The following PTPDC1 variants were observed in gnomAD, a reference collection of about 807,000 sequenced individuals.
PTPDC1 encodes the protein protein tyrosine phosphatase domain-containing protein 1.
Under a neutral mutation model 75.3 loss-of-function variants are expected in PTPDC1, and 53 were observed. The observed-to-expected ratio is 0.70, with a 90% confidence interval of 0.56 to 0.88. The LOEUF (loss-of-function observed/expected upper bound fraction) is 0.88, where lower values mean the gene tolerates loss of function less well. PTPDC1 is among the 40% of genes least tolerant of loss of function. The pLI is 0.00. For missense variants in PTPDC1, 925 were observed against 998.6 expected (o/e 0.93, Z 0.99); for synonymous variants, 349 against 366.2 (o/e 0.95, Z 0.54).
At chr9:94,051,172 T>G (rs1825780003) in intron 1 of PTPDC1, among the ~76,000 whole-genome samples, 1 of 152,222 alleles carries the variant, frequency 6.6e-6, no homozygotes, top group African/African-American at 2.4e-5. Flanking sequence ...GGTGAGGTGA[T>G]GCCTCGCCCT....
rs552895277 is a variant in PTPDC1, at chr9:94,056,876, T to A, written c.-6-7858T>A. 2.6e-3 allele frequency among the ~76,000 whole-genome samples: 400 copies of A among 152,296 alleles called. 1 individual carries two copies. Among genetic ancestry groups the A allele is most frequent in the Non-Finnish European group, 4.4e-3 (296 of 68,028 alleles). The stretch of plus-strand genomic sequence containing the variant: ...ATTATAAACAGTTGAGTCATTTGAG[T>A]GCTTTTAGGGATAAAAGGAAACTGT... On this transcript the variant is annotated intron_variant, in intron 1 of 9. Transcript: ENST00000375360.
chr9:94,079,206 T>A (rs916531590), intron 2 of PTPDC1, among the ~76,000 whole-genome samples: 3 of 152,222 alleles, frequency 2.0e-5, no homozygotes, highest in African/African-American at 7.2e-5. Context: ...TAGTCTTTTT[T>A]TCTTCATAGT....
chr9:94,107,936 G>A lies in PTPDC1; in HGVS notation c.2419G>A (p.Gly807Ser). 6.3e-7 allele frequency: 1 copy of A among 1,579,532 alleles called. No homozygotes were observed. Among genetic ancestry groups the A allele is most frequent in the South Asian group, 1.2e-5 (1 of 86,788 alleles). The change falls in exon 9 of 9, where the codon GGC (glycine) becomes AGC (serine). Residue 807 changes from glycine (G) to serine (S), a missense_variant. Coordinates refer to ENST00000620992, the MANE Select transcript of PTPDC1 (RefSeq NM_001253829.2). ...RKMTKDGPKPGL is the reference protein window; with the variant it reads ...RKMTKDGPKPSL ...AATGACAAAAGATGGCCCTAAGCCT[G>A]GCCTCTAGCTTTCACTCGTGGTGAA...
rs571977214 is a variant in PTPDC1, at chr9:94,033,302, TTC to T, written c.-7+2177_-7+2178del. ...TGTTTTATATAAGTTACTTATATATTTCTTTTTCTAAAAATGATGTAAGTTGA... is the reference window on the plus strand; with the variant it reads ...TGTTTTATATAAGTTACTTATATATTTTTTTCTAAAAATGATGTAAGTTGA... On this transcript the variant is annotated intron_variant, in intron 1 of 9. Coordinates refer to the PTPDC1 transcript ENST00000375360. Among the ~76,000 whole-genome samples, 372 of 152,348 alleles carry T rather than the reference TTC, an allele frequency of 2.4e-3. 3 individuals carry two copies. Among genetic ancestry groups the T allele is most frequent in the African/African-American group, 8.7e-3 (361 of 41,574 alleles).
intron 1 of PTPDC1, among the ~76,000 whole-genome samples, chr9:94,063,956 C>T (rs1288799887): frequency 6.6e-6 from 1 of 152,048 alleles, no homozygotes; most frequent in East Asian, 1.9e-4. Context: ...TTAGAAAAAA[C>T]GTTTGAATCG....
At chr9:94,091,036 A>G (rs1827295977) in intron 4 of PTPDC1, among the ~76,000 whole-genome samples, 3 of 152,078 alleles carry the variant, frequency 2.0e-5, no homozygotes, top group African/African-American at 4.8e-5. Flanking sequence ...AACAGGGACA[A>G]TTTGACTTCC....
chr9:94,046,726 C>G (rs1420314330), intron 1 of PTPDC1, among the ~76,000 whole-genome samples: 2 of 152,200 alleles, frequency 1.3e-5, no homozygotes, highest in African/African-American at 4.8e-5. Context: ...AGTTGCCTGT[C>G]AGCTTAAGGA....
At chr9:94,074,171 G>A (rs567524536) in intron 2 of PTPDC1, among the ~76,000 whole-genome samples, 2 of 152,144 alleles carry the variant, frequency 1.3e-5, no homozygotes, top group Non-Finnish European at 2.9e-5. Flanking sequence ...GTCAGGCAGT[G>A]TTCTTCTTGA....
intron 1 of PTPDC1, among the ~76,000 whole-genome samples, chr9:94,031,967 C>T (rs981748369): frequency 6.6e-6 from 1 of 152,230 alleles, no homozygotes; most frequent in East Asian, 1.9e-4. Flanking sequence ...AACACACACA[C>T]GTACAGGTAC....
chr9:94,063,870 A>T (rs569738156), intron 1 of PTPDC1, among the ~76,000 whole-genome samples: 1 of 152,330 alleles, frequency 6.6e-6, no homozygotes, highest in South Asian at 2.1e-4. Flanking sequence ...TAATAAAAGT[A>T]TAATATTTGA....
intron 1 of PTPDC1, chr9:94,064,634 T>C: frequency 1.4e-6 from 1 of 732,392 alleles, no homozygotes. Flanking sequence ...ACTTGGCCAG[T>C]GACTGCAGCA....
chr9:94,067,057 T>G (rs1826332280), intron 2 of PTPDC1, among the ~76,000 whole-genome samples: 1 of 152,084 alleles, frequency 6.6e-6, no homozygotes. Context: ...TCAGTATTAC[T>G]TTGAAGCAAA....
rs552588724 is a variant in PTPDC1, at chr9:94,046,852, G to A, written c.-7+15725G>A. On this transcript the variant is annotated intron_variant, in intron 1 of 9. Transcript: ENST00000375360. ...TACCCTTTATTTCCTTCTCCTGCCT[G>A]ATTGCCCAGGCCAGAACTTCCAACA... 3.3e-3 allele frequency among the ~76,000 whole-genome samples: 500 copies of A among 152,266 alleles called. 2 individuals are homozygous for A. Among genetic ancestry groups the A allele is most frequent in the Non-Finnish European group, 4.1e-3 (276 of 68,014 alleles).
chr9:94,041,967 C>T (rs1825438698), intron 1 of PTPDC1, among the ~76,000 whole-genome samples: 1 of 152,150 alleles, frequency 6.6e-6, no homozygotes, highest in Non-Finnish European at 1.5e-5. Context: ...TGTATGCATA[C>T]ATATTTTTAT....
At chr9:94,070,698 C>G (rs1826483461) in intron 2 of PTPDC1, among the ~76,000 whole-genome samples, 1 of 152,170 alleles carries the variant, frequency 6.6e-6, no homozygotes, top group Admixed American at 6.5e-5. Flanking sequence ...CTGTGGCAAC[C>G]ACTATCTGTT....
chr9:94,102,139 T>C (rs1015634124), intron 7 of PTPDC1, among the ~76,000 whole-genome samples: 1 of 152,186 alleles, frequency 6.6e-6, no homozygotes, highest in Non-Finnish European at 1.5e-5. Context: ...ACGGATATGA[T>C]GCTGTAACAC....
intron 1 of PTPDC1, among the ~76,000 whole-genome samples, chr9:94,063,957 G>T (rs12004383): frequency 0.23 from 34,354 of 152,038 alleles, 4,468 homozygotes; most frequent in Admixed American, 0.3. Context: ...TAGAAAAAAC[G>T]TTTGAATCGT....
At chr9:94,064,900 A>T in intron 2 of PTPDC1, 1 of 1,003,692 alleles carries the variant, frequency 1.0e-6, no homozygotes, top group East Asian at 2.5e-5. Flanking sequence ...ATGGACACAA[A>T]AGAAAAGGCT....
At chr9:94,057,601 C>G (rs1412836158) in intron 1 of PTPDC1, among the ~76,000 whole-genome samples, 1 of 152,156 alleles carries the variant, frequency 6.6e-6, no homozygotes, top group Non-Finnish European at 1.5e-5. Flanking sequence ...TCTTCATCCT[C>G]ACAACAACCA....
Sources: gnomAD v4.1 joint callset for allele counts (sites outside exome capture counted in the v4.1 genomes callset) on GRCh38, gnomAD v4.1.1 for gene constraint, MANE v1.5 for transcripts, NCBI Gene and HGNC (gene_info 2026-07-23, HGNC 2026-07-21) for gene names.